Variants in STIL observed in about 807,000 individuals in gnomAD.
The protein encoded by STIL is SCL-interrupting locus protein.
Under a neutral mutation model 110.1 loss-of-function variants are expected in STIL, and 55 were observed. That is an observed-to-expected ratio of 0.50 (90% confidence interval 0.40 to 0.63). The LOEUF (loss-of-function observed/expected upper bound fraction) is 0.63, where lower values mean the gene tolerates loss of function less well. Ranked by LOEUF, STIL falls within the 20% of genes least tolerant of loss-of-function variation. The pLI, the probability that STIL is intolerant of heterozygous loss-of-function variation, is 0.00. For synonymous variants in STIL, 481 were observed against 530.0 expected, an observed-to-expected ratio of 0.91 and a Z score of 1.27; for missense variants, 1,358 against 1,530.0, an observed-to-expected ratio of 0.89 and a Z score of 1.87.
At chr1:47,275,465 C>T (rs879655557) in intron 12 of STIL, among the ~76,000 whole-genome samples, 4 of 151,550 alleles carry the variant, frequency 2.6e-5, no homozygotes, top group Admixed American at 6.6e-5. Flanking sequence ...AAAATTAGCC[C>T]GGCTTGGTGG....
intron 12 of STIL, among the ~76,000 whole-genome samples, chr1:47,279,982 A>G (rs1364917132): frequency 6.6e-6 from 1 of 152,206 alleles, no homozygotes; most frequent in African/African-American, 2.4e-5. Flanking sequence ...AAAAAATAAA[A>G]ATACAATTCT....
intron 7 of STIL, 121 bp downstream of exon 7, chr1:47,295,643 AC>A (rs1645621001): frequency 1.4e-6 from 1 of 709,416 alleles, no homozygotes; most frequent in Admixed American, 2.5e-5. Context: ...AAACCTGACA[AC>A]CACTTATCTT....
chr1:47,272,222 G>A lies in STIL; in HGVS notation c.2237C>T (p.Ala746Val). 6.2e-7 allele frequency: 1 copy of A among 1,614,162 alleles called. No individual in the cohort carries two copies. Among genetic ancestry groups the A allele is most frequent in the Non-Finnish European group, 8.5e-7 (1 of 1,180,026 alleles). The change falls in exon 13 of 17, where the codon GCA becomes GTA. Residue 746 changes from alanine to valine, a missense_variant. Physicochemically the swap from Ala to Val is moderately conservative, Grantham distance 64. Coordinates refer to ENST00000371877, the MANE Select transcript of STIL (RefSeq NM_001048166.1). ...AGGGGAACAGGGCATCAGAGACTGT[G>A]CTTCCAACAAACGCTGAATCTGTAT... is the stretch of plus-strand genomic sequence containing the variant. ...LQAQIQRLLE[A>V]QSLMPCSPKT...
At chr1:47,270,255 T>TATACACAC (rs775684329) in intron 13 of STIL, among the ~76,000 whole-genome samples, 27 of 119,412 alleles carry the variant, frequency 2.3e-4, no homozygotes, top group African/African-American at 8.2e-4. Context: ...TATATATATA[T>TATACACAC]ACACACACAC....
At chr1:47,303,306 T>C (rs767817496) in intron 3 of STIL, among the ~76,000 whole-genome samples, 9 of 152,242 alleles carry the variant, frequency 5.9e-5, no homozygotes, top group Non-Finnish European at 1.3e-4. Flanking sequence ...GGCACATGCC[T>C]GTAATCCCAG....
At chr1:47,313,721 CAG>C (rs762284389) in intron 1 of STIL, among the ~76,000 whole-genome samples, 3 of 152,332 alleles carry the variant, frequency 2.0e-5, no homozygotes, top group South Asian at 4.1e-4. Flanking sequence ...TACTACGTAG[CAG>C]AGTGTGAGCC....
rs863225464 is a variant in STIL at position 47,301,556 on chromosome 1, C to T, written c.453+5G>A. On this transcript the variant is annotated splice_donor_5th_base_variant and intron_variant, in intron 5 of 16. Transcript: ENST00000371877. ...ATTAACTATCAAGTTGTCAATGAAT[C>T]GCACCTTTAAAGCTGAACTGAAGTC... 15 of 1,612,036 alleles carry T rather than the reference C, an allele frequency of 9.3e-6. No homozygotes were observed. The highest frequency in any genetic ancestry group is 1.3e-5 in the Non-Finnish European group (15 of 1,179,380).
chr1:47,257,488 C>A (rs1256208585), intron 16 of STIL, among the ~76,000 whole-genome samples: 2 of 152,138 alleles, frequency 1.3e-5, no homozygotes, highest in Non-Finnish European at 2.9e-5. Context: ...GCCTGGGTGA[C>A]AGAGCAAGAT....
chr1:47,269,523 T>C, intron 14 of STIL, 112 bp downstream of exon 14: 1 of 756,802 alleles, frequency 1.3e-6, no homozygotes, highest in Non-Finnish European at 2.2e-6. Context: ...CATTCCATAC[T>C]GTAAACATGC....
At position 47,250,320 on chromosome 1, in the gene STIL, C is replaced by T. The variant is rs930497451; in HGVS notation, c.*816G>A. 3.4e-5 allele frequency: 6 copies of T among 175,248 alleles called. No individual in the cohort carries two copies. Among genetic ancestry groups the T allele is most frequent in the Admixed American group, 6.3e-5 (1 of 15,766 alleles). The allele number at this position is 175,248 out of a possible 1,614,324, so 10.9% of individuals were successfully genotyped here. A position where few individuals can be genotyped will look rare whatever the true frequency, so the allele number is the denominator to read the frequency against. On this transcript the variant is annotated 3_prime_UTR_variant, in exon 17 of 17. Transcript: ENST00000371877. ...CACCATACTGCAAAAAGCTGTATCTCGAGTTTAATCAACATGCATCCTAAT... is the reference window on the plus strand; with the variant it reads ...CACCATACTGCAAAAAGCTGTATCTTGAGTTTAATCAACATGCATCCTAAT...
chr1:47,301,783 A>G, intron 4 of STIL, 35 bp from the exon 5 acceptor site: 1 of 1,597,450 alleles, frequency 6.3e-7, no homozygotes, highest in Non-Finnish European at 8.6e-7. Context: ...TATACAGCAT[A>G]CTAATTAAAA....
chr1:47,281,416 C>T (rs1157413970), intron 11 of STIL, among the ~76,000 whole-genome samples: 1 of 152,086 alleles, frequency 6.6e-6, no homozygotes, highest in African/African-American at 2.4e-5. Flanking sequence ...AAACAAGGTC[C>T]TTGCCCTAAA....
intron 16 of STIL, among the ~76,000 whole-genome samples, chr1:47,258,604 C>T (rs6682899): frequency 0.068 from 10,369 of 152,154 alleles, 604 homozygotes; most frequent in East Asian, 0.3. Flanking sequence ...TGCAGTGGCT[C>T]ACGGCTGTAA....
chr1:47,301,354 G>C (rs1157190841), intron 5 of STIL, among the ~76,000 whole-genome samples: 2 of 152,120 alleles, frequency 1.3e-5, no homozygotes, highest in South Asian at 2.1e-4. Context: ...TTCTTATCTC[G>C]GTTACACTGC....
chr1:47,252,309 G>T (rs1006322913), intron 16 of STIL, among the ~76,000 whole-genome samples: 1 of 152,144 alleles, frequency 6.6e-6, no homozygotes, highest in African/African-American at 2.4e-5. Context: ...TTGAGCTCAA[G>T]AGTTCAAAGT....
chr1:47,313,578 T>C (rs1310488980), intron 1 of STIL, among the ~76,000 whole-genome samples: 1 of 139,502 alleles, frequency 7.2e-6, no homozygotes, highest in Non-Finnish European at 1.6e-5. Context: ...TGTCACTTCC[T>C]CTGTGAAACC....
At chr1:47,300,708 C>T (rs1160130355) in intron 5 of STIL, among the ~76,000 whole-genome samples, 2 of 152,122 alleles carry the variant, frequency 1.3e-5, no homozygotes, top group African/African-American at 2.4e-5. Flanking sequence ...CTGATCAGCC[C>T]ACCTCAGCCT....
At chr1:47,259,285 C>CTTTTTTTTT (rs3043082) in intron 16 of STIL, among the ~76,000 whole-genome samples, 2 of 76,094 alleles carry the variant, frequency 2.6e-5, no homozygotes, top group Non-Finnish European at 2.3e-5. Context: ...CGCGCCCGGC[C>CTTTTTTTTT]TTTTTTTTTT....
intron 12 of STIL, among the ~76,000 whole-genome samples, chr1:47,275,872 C>T (rs984971817): frequency 1.3e-5 from 2 of 152,120 alleles, no homozygotes; most frequent in South Asian, 4.1e-4. Context: ...AGTGATCCAA[C>T]CACCTTGGCC....
Sources: allele counts gnomAD v4.1 joint callset (sites outside exome capture counted in the v4.1 genomes callset), GRCh38; gene constraint gnomAD v4.1.1; transcripts MANE v1.5; gene names NCBI Gene and HGNC (gene_info 2026-07-23, HGNC 2026-07-21).